Variants in ZNF385A observed in about 807,000 individuals in gnomAD.
ZNF385A encodes hematopoietic zinc finger protein.
ZNF385A carries 14 observed loss-of-function variants against 32.1 expected under a neutral mutation model. The ratio of observed to expected loss-of-function variants is 0.44; its 90% CI spans 0.29 to 0.68. The LOEUF is 0.68. Ranked by LOEUF, ZNF385A falls within the 30% of genes least tolerant of loss-of-function variation. The pLI is 0.14. For synonymous variants in ZNF385A, 197 were observed against 202.7 expected (o/e 0.97, Z 0.24); for missense variants, 406 against 478.4 (o/e 0.85, Z 1.41).
At chr12:54,384,369 T>C in intron 1 of ZNF385A, 59 bp downstream of exon 1, 1 of 1,514,532 alleles carries the variant, frequency 6.6e-7, no homozygotes, top group Non-Finnish European at 8.8e-7. Flanking sequence ...CAGAGGTGGG[T>C]CTGAGAGAGA....
rs563351038 is a variant in ZNF385A at position 54,370,138 on chromosome 12, G to T, written c.*118C>A. 900 of 416,344 alleles carry T rather than the reference G, an allele frequency of 2.2e-3. No individual in the cohort carries two copies. The highest frequency in any genetic ancestry group is 2.4e-3 in the Non-Finnish European group (727 of 306,506). The allele number at this position is 416,344 out of a possible 1,614,324, so 25.8% of individuals were successfully genotyped here. ...TTCCTGGAACCCCGTATCTCGGGGT[G>T]GGGGGGGGGAAGGAGAGATCATTTA... On this transcript the variant is annotated 3_prime_UTR_variant, in exon 7 of 7. Transcript: ENST00000394313. The surrounding 1 kb of genome is among the most constrained non-coding windows in gnomAD (Gnocchi z 5.5).
At chr12:54,379,571 T>TAGAGG (rs1200017831) in intron 1 of ZNF385A, among the ~76,000 whole-genome samples, 1 of 151,970 alleles carries the variant, frequency 6.6e-6, no homozygotes, top group Non-Finnish European at 1.5e-5. Context: ...AGACGACCCT[T>TAGAGG]CCCCAGCTTC....
intron 3 of ZNF385A, among the ~76,000 whole-genome samples, chr12:54,372,732 G>A (rs188873974): frequency 4.9e-4 from 75 of 152,342 alleles, no homozygotes; most frequent in Non-Finnish European, 5.9e-5. Context: ...AGCAGCCAAA[G>A]TACAATTAGA....
chr12:54,372,250 T>C (rs1175646288), intron 3 of ZNF385A, among the ~76,000 whole-genome samples: 1 of 152,200 alleles, frequency 6.6e-6, no homozygotes, highest in African/African-American at 2.4e-5. Flanking sequence ...AATTCATGGC[T>C]TGATTAAAGA....
intron 4 of ZNF385A, 31 bp downstream of exon 4, chr12:54,371,440 GGA>G: frequency 1.3e-6 from 2 of 1,592,582 alleles, no homozygotes; most frequent in Non-Finnish European, 1.7e-6. Context: ...CCTGAGGACA[GGA>G]GAGTCTGGGT....
chr12:54,376,105 C>T, intron 1 of ZNF385A, 151 bp from the exon 2 acceptor site: 3 of 641,754 alleles, frequency 4.7e-6, no homozygotes, highest in Admixed American at 2.6e-5. Context: ...TTCTGATTCT[C>T]TCTTAGCCCA....
At chr12:54,389,179 C>T (rs532938306), upstream of ZNF385A, among the ~76,000 whole-genome samples, 16 of 152,356 alleles carry the variant, frequency 1.1e-4, no homozygotes, top group East Asian at 2.7e-3. Context: ...GAGCCCAGAA[C>T]TGCCATCTTA....
In ZNF385A at chr12:54,370,096, C is replaced by G. The variant is rs1954435190; in HGVS notation, c.*160G>C. ...TCCCCCCCTTCTGAAGCCCCCCTCC[C>G]CCGCTACCCCTCCCCTTTCCTGGAA... On this transcript the variant is annotated 3_prime_UTR_variant, in exon 7 of 7. Transcript: ENST00000394313. This position sits in a 1 kb window ranked among gnomAD's most constrained non-coding sequence, Gnocchi z 5.5. The G allele has an allele frequency of 3.5e-6, 2 of 574,946 alleles. No individual in the cohort carries two copies. Among genetic ancestry groups the G allele is most frequent in the South Asian group, 4.4e-5 (1 of 22,986 alleles). 35.6% of individuals were successfully genotyped at this position (574,946 alleles called of 1,614,324 possible). A position where few individuals can be genotyped will look rare whatever the true frequency, so the allele number is the denominator to read the frequency against.
At chr12:54,385,647 C>T, upstream of ZNF385A, 1 of 985,514 alleles carries the variant, frequency 1.0e-6, no homozygotes, top group Non-Finnish European at 1.2e-6. Flanking sequence ...CTTCCTGTTC[C>T]CTCCAGACAC....
intron 1 of ZNF385A, among the ~76,000 whole-genome samples, chr12:54,376,323 G>C (rs534941743): frequency 1.3e-5 from 2 of 152,124 alleles, no homozygotes; most frequent in Non-Finnish European, 2.9e-5. Flanking sequence ...TCCACCAGAG[G>C]CCTCTGACAT....
At position 54,384,616 on chromosome 12, in the gene ZNF385A, C is replaced by T. The variant is rs1955371620; in HGVS notation, c.-102G>A. 7.7e-6 allele frequency: 11 copies of T among 1,424,502 alleles called. No individual in the cohort carries two copies. In the South Asian group the frequency reaches 1.4e-4, roughly 18 times the overall value. The allele number at this position is 1,424,502 out of a possible 1,614,324, so 88.2% of individuals were successfully genotyped here. A position where few individuals can be genotyped will look rare whatever the true frequency, so the allele number is the denominator to read the frequency against. ...GGGTAGGAAGATTAAAGCTTGGGAA[C>T]CCCACCCAAGCCTGCCAGTCCCACT... On this transcript the variant is annotated 5_prime_UTR_variant, in exon 1 of 7. Coordinates refer to ENST00000394313, the MANE Select transcript of ZNF385A (RefSeq NM_015481.3).
At chr12:54,381,186 ACT>A (rs556254162) in intron 1 of ZNF385A, 3 of 145,160 alleles carry the variant, frequency 2.1e-5, no homozygotes, top group South Asian at 2.2e-4. Flanking sequence ...ACAGAGTAAG[ACT>A]CTGTCTCAAA....
intron 3 of ZNF385A, among the ~76,000 whole-genome samples, chr12:54,373,513 G>A (rs1954670227): frequency 1.3e-5 from 2 of 151,020 alleles, no homozygotes; most frequent in South Asian, 2.1e-4. Flanking sequence ...GACTAGGGAG[G>A]TCAAAAGGTC....
intron 1 of ZNF385A, among the ~76,000 whole-genome samples, chr12:54,389,785 G>C (rs1434059043): frequency 1.3e-5 from 2 of 152,098 alleles, no homozygotes; most frequent in East Asian, 3.9e-4. Flanking sequence ...GGTCACTCTA[G>C]CATCAGGGTG....
At position 54,384,635 on chromosome 12, in the gene ZNF385A, T is replaced by A. The variant is rs1198434794; in HGVS notation, c.-121A>T. ...TGGGAACCCCACCCAAGCCTGCCAG[T>A]CCCACTCCCTAGCCAGGGCCCCCAC... On this transcript the variant is annotated 5_prime_UTR_variant, in exon 1 of 7. Coordinates refer to ENST00000394313, the MANE Select transcript of ZNF385A (RefSeq NM_015481.3). 2.1e-6 allele frequency: 3 copies of A among 1,421,980 alleles called. No individual in the cohort carries two copies. Among genetic ancestry groups the A allele is most frequent in the African/African-American group, 2.9e-5 (2 of 68,252 alleles). 88.1% of individuals were successfully genotyped at this position (1,421,980 alleles called of 1,614,324 possible). A position where few individuals can be genotyped will look rare whatever the true frequency, so the allele number is the denominator to read the frequency against.
chr12:54,380,373 G>A (rs1029830035), intron 1 of ZNF385A, among the ~76,000 whole-genome samples: 3 of 152,172 alleles, frequency 2.0e-5, no homozygotes, highest in Admixed American at 6.5e-5. Context: ...GGTTTAGAGA[G>A]GTTAAATAAT....
In ZNF385A at chr12:54,371,725, G is replaced by C; in HGVS notation, c.362-10C>G. 2 of 1,611,282 alleles carry C rather than the reference G, an allele frequency of 1.2e-6. No individual in the cohort carries two copies. Among genetic ancestry groups the C allele is most frequent in the Non-Finnish European group, 8.5e-7 (1 of 1,179,184 alleles). ...CCATTCTCCATGGAAACTGTTGTTGGGGGAGAAACATGGGGATCACCCTAG... is the reference window on the plus strand; with the variant it reads ...CCATTCTCCATGGAAACTGTTGTTGCGGGAGAAACATGGGGATCACCCTAG... On this transcript the variant is annotated splice_polypyrimidine_tract_variant and intron_variant, in intron 3 of 6. Coordinates refer to ENST00000394313, the MANE Select transcript of ZNF385A (RefSeq NM_015481.3).
At chr12:54,375,192 A>G (rs962442337) in intron 2 of ZNF385A, among the ~76,000 whole-genome samples, 3 of 152,066 alleles carry the variant, frequency 2.0e-5, no homozygotes, top group African/African-American at 7.2e-5. Flanking sequence ...GCACCCCACA[A>G]AGTCCCCTCT....
At chr12:54,383,772 G>A (rs1298624736) in intron 1 of ZNF385A, among the ~76,000 whole-genome samples, 1 of 152,212 alleles carries the variant, frequency 6.6e-6, no homozygotes, top group Non-Finnish European at 1.5e-5. Context: ...GCACACGCCT[G>A]TAATCCCAGC....
Sources: gnomAD v4.1 joint callset for allele counts (sites outside exome capture counted in the v4.1 genomes callset) on GRCh38, gnomAD v4.1.1 for gene constraint, Gnocchi (gnomAD v3.1) non-coding constraint, MANE v1.5 for transcripts, NCBI Gene and HGNC (gene_info 2026-07-23, HGNC 2026-07-21) for gene names.